Variants in PRKCA observed in about 807,000 individuals in gnomAD.
PRKCA encodes the protein protein kinase C alpha, also known as protein kinase C alpha type.
PRKCA carries 27 observed loss-of-function variants against 87.0 expected under a neutral mutation model. The ratio of observed to expected loss-of-function variants is 0.31; its 90% CI spans 0.23 to 0.43. The LOEUF (loss-of-function observed/expected upper bound fraction) is 0.43. Ranked by LOEUF, PRKCA falls within the 20% of genes least tolerant of loss-of-function variation. The pLI is 1.00. For synonymous variants in PRKCA, 329 were observed against 311.1 expected (o/e 1.06, Z -0.61); for missense variants, 518 against 852.3 (o/e 0.61, Z 4.88).
intron 2 of PRKCA, among the ~76,000 whole-genome samples, chr17:66,342,739 T>G (rs1907119765): frequency 6.6e-6 from 1 of 152,146 alleles, no homozygotes; most frequent in South Asian, 2.1e-4. Flanking sequence ...AACAAAAGCA[T>G]TGTTCAAAAA....
chr17:66,569,343 G>A (rs950834120), intron 3 of PRKCA, among the ~76,000 whole-genome samples: 1 of 142,494 alleles, frequency 7.0e-6, no homozygotes. Flanking sequence ...CGAGGCAGGC[G>A]GGGATCGCCT....
chr17:66,654,320 A>T (rs908072496), intron 5 of PRKCA, among the ~76,000 whole-genome samples: 4 of 152,170 alleles, frequency 2.6e-5, no homozygotes, highest in African/African-American at 7.2e-5. Context: ...GAGAAGAGAA[A>T]CCGACACTGA....
chr17:66,508,263 G>A (rs947131125), intron 3 of PRKCA, among the ~76,000 whole-genome samples: 6 of 152,194 alleles, frequency 3.9e-5, no homozygotes, highest in African/African-American at 1.4e-4. Flanking sequence ...AATTCAGTCT[G>A]TTCTATTTAT....
At chr17:66,559,105 G>A (rs979163625) in intron 3 of PRKCA, among the ~76,000 whole-genome samples, 1 of 152,172 alleles carries the variant, frequency 6.6e-6, no homozygotes, top group African/African-American at 2.4e-5. Context: ...TCTTGCACTG[G>A]ACTGGGAAAG....
chr17:66,515,229 G>A (rs925988791), intron 3 of PRKCA, among the ~76,000 whole-genome samples: 5 of 142,922 alleles, frequency 3.5e-5, no homozygotes, highest in African/African-American at 1.3e-4. Context: ...CCAAGATTGC[G>A]CCGCTGCACT....
intron 5 of PRKCA, among the ~76,000 whole-genome samples, chr17:66,662,716 A>G (rs1971940209): frequency 1.3e-5 from 2 of 151,738 alleles, no homozygotes; most frequent in African/African-American, 4.8e-5. Context: ...AAAATCTCGT[A>G]GGCCTGGCAT....
intron 5 of PRKCA, among the ~76,000 whole-genome samples, chr17:66,679,903 C>A (rs972925749): frequency 1.3e-5 from 2 of 152,158 alleles, no homozygotes; most frequent in African/African-American, 4.8e-5. Flanking sequence ...GCCTGAAGGC[C>A]CTATCTGCAA....
At chr17:66,724,180 C>T (rs931492006) in intron 8 of PRKCA, among the ~76,000 whole-genome samples, 2 of 152,002 alleles carry the variant, frequency 1.3e-5, no homozygotes, top group Non-Finnish European at 2.9e-5. Flanking sequence ...GACCAGTGCC[C>T]AGCTACTTGG....
chr17:66,355,041 C>T (rs972005506), intron 2 of PRKCA, among the ~76,000 whole-genome samples: 9 of 152,122 alleles, frequency 5.9e-5, no homozygotes, highest in Admixed American at 1.3e-4. Flanking sequence ...ACAGAGTGAA[C>T]GTGGAAATGA....
intron 2 of PRKCA, among the ~76,000 whole-genome samples, chr17:66,482,679 AT>A (rs2144058574): frequency 6.6e-6 from 1 of 152,338 alleles, no homozygotes; most frequent in Admixed American, 6.5e-5. Context: ...TCATTGTATG[AT>A]TACAACGGCA....
chr17:66,366,453 G>A (rs1018664622), intron 2 of PRKCA, among the ~76,000 whole-genome samples: 2 of 152,198 alleles, frequency 1.3e-5, no homozygotes, highest in Admixed American at 6.5e-5. Flanking sequence ...TTTTCAGGGC[G>A]TGGTGCTGAA....
chr17:66,374,055 T>G (rs1338440270), intron 2 of PRKCA, among the ~76,000 whole-genome samples: 1 of 152,122 alleles, frequency 6.6e-6, no homozygotes, highest in Non-Finnish European at 1.5e-5. Flanking sequence ...GGGGCGGCAG[T>G]GCTCCCCTGG....
chr17:66,425,891 A>C, intron 2 of PRKCA, among the ~76,000 whole-genome samples: 1 of 152,214 alleles, frequency 6.6e-6, no homozygotes, highest in South Asian at 2.1e-4. Context: ...GTTGCATGCC[A>C]GGTATGGTGT....
intron 2 of PRKCA, among the ~76,000 whole-genome samples, chr17:66,314,845 T>TTCTC (rs1042852194): frequency 2.7e-5 from 4 of 146,926 alleles, no homozygotes; most frequent in Non-Finnish European, 4.5e-5. Flanking sequence ...TAGAATTTCT[T>TTCTC]TCTCTCTCTC....
intron 5 of PRKCA, among the ~76,000 whole-genome samples, chr17:66,675,707 G>C (rs1004079417): frequency 6.6e-6 from 1 of 152,124 alleles, no homozygotes; most frequent in African/African-American, 2.4e-5. Context: ...AAATCTGTAT[G>C]CGTCAGGAGT....
At chr17:66,325,741 C>G (rs558965070) in intron 2 of PRKCA, among the ~76,000 whole-genome samples, 2 of 152,062 alleles carry the variant, frequency 1.3e-5, no homozygotes, top group South Asian at 2.1e-4. Context: ...AAGCTTACTC[C>G]GAATCCTTTG....
In PRKCA at chr17:66,777,752, G is replaced by A. The variant is rs181606850; in HGVS notation, c.1605+3685G>A. ...ATTTGCATATGCTAACATGCAAAAGGGGCTGGGCGGAAACGAAGCCAGGAT... is the reference window on the plus strand; with the variant it reads ...ATTTGCATATGCTAACATGCAAAAGAGGCTGGGCGGAAACGAAGCCAGGAT... On this transcript the variant is annotated intron_variant, in intron 14 of 16. Coordinates refer to ENST00000413366, the MANE Select transcript of PRKCA (RefSeq NM_002737.3). 1.2e-4 allele frequency: 123 copies of A among 985,348 alleles called. No individual in the cohort carries two copies. The African/African-American group carries it at 1.8e-3, about 15-fold the overall frequency. 61.0% of individuals were successfully genotyped at this position (985,348 alleles called of 1,614,324 possible). A position where few individuals can be genotyped will look rare whatever the true frequency, so the allele number is the denominator to read the frequency against.
intron 2 of PRKCA, among the ~76,000 whole-genome samples, chr17:66,452,088 G>T (rs771037819): frequency 1.3e-5 from 2 of 152,168 alleles, no homozygotes; most frequent in Non-Finnish European, 2.9e-5. Flanking sequence ...GCCCCTCCAT[G>T]CAGCAGGGTG....
At chr17:66,376,688 C>T (rs1397671449) in intron 2 of PRKCA, among the ~76,000 whole-genome samples, 1 of 151,994 alleles carries the variant, frequency 6.6e-6, no homozygotes, top group Non-Finnish European at 1.5e-5. Flanking sequence ...ATCCCCTGGC[C>T]CGAGGGTTGG....
Sources: gnomAD v4.1 joint callset for allele counts (sites outside exome capture counted in the v4.1 genomes callset) on GRCh38, gnomAD v4.1.1 for gene constraint, MANE v1.5 for transcripts, NCBI Gene and HGNC (gene_info 2026-07-23, HGNC 2026-07-21) for gene names.